The following CYP4F22 variants were observed in gnomAD, a reference collection of about 807,000 sequenced individuals.
CYP4F22 encodes the protein ultra-long-chain fatty acid omega-hydroxylase.
CYP4F22 carries 37 observed loss-of-function variants against 60.4 expected under a neutral mutation model. The observed-to-expected ratio is 0.61, with a 90% CI of 0.47 to 0.81. The LOEUF (loss-of-function observed/expected upper bound fraction) is 0.81. Ranked by LOEUF, CYP4F22 falls within the 30% of genes least tolerant of loss-of-function variation. The pLI is 0.00. For synonymous variants in CYP4F22, 258 were observed against 280.5 expected, an observed-to-expected ratio of 0.92 and a Z score of 0.80; for missense variants, 655 against 715.0, an observed-to-expected ratio of 0.92 and a Z score of 0.96.
rs1568361399 is a variant in CYP4F22 at position 15,540,645 on chromosome 19, G to GGGGGCCGAGGCCTGGCTT, written c.868_885dup (p.Gly290_Leu295dup). ...AACGGCGGCGGGCACTGCGTCAGCAGGGGGCCGAGGCCTGGCTTAAGGCCA... is the reference window on the plus strand; with the variant it reads ...AACGGCGGCGGGCACTGCGTCAGCAGGGGGCCGAGGCCTGGCTTGGGGCCGAGGCCTGGCTTAAGGCCA... On this transcript the variant is annotated inframe_insertion, in exon 8 of 14. Transcript: ENST00000269703. The GGGGGCCGAGGCCTGGCTT allele has an allele frequency of 1.2e-6, 2 of 1,613,954 alleles. No homozygotes were observed. The highest frequency in any genetic ancestry group is 1.3e-5 in the African/African-American group (1 of 74,972).
chr19:15,548,225 G>C lies in CYP4F22; in HGVS notation c.1254G>C (p.Gly418=). ...QCTEDIKLPD[G]RIIPKGIICL... is the part of the protein sequence containing the mutation. Reference sequence around the variant, plus strand: ...CGGAGGACATCAAGCTCCCAGATGGGCGCATCATCCCCAAAGGTGCCTACC... The same window carrying C: ...CGGAGGACATCAAGCTCCCAGATGGCCGCATCATCCCCAAAGGTGCCTACC... The change falls in exon 11 of 14, where the codon GGG becomes GGC. Residue 418 remains glycine (G), a synonymous_variant. Coordinates refer to ENST00000269703, the MANE Select transcript of CYP4F22 (RefSeq NM_173483.4). 2 of 1,614,080 alleles carry C rather than the reference G, an allele frequency of 1.2e-6. No individual in the cohort carries two copies. Among genetic ancestry groups the C allele is most frequent in the South Asian group, 2.2e-5 (2 of 91,086 alleles).
chr19:15,512,188 G>GATA (rs767272665), intron 1 of CYP4F22, among the ~76,000 whole-genome samples: 5 of 152,190 alleles, frequency 3.3e-5, no homozygotes, highest in Non-Finnish European at 7.3e-5. Context: ...GGTAGGTCCT[G>GATA]TTATTATCAA....
At chr19:15,512,818 A>C (rs1440981262) in intron 1 of CYP4F22, among the ~76,000 whole-genome samples, 1 of 152,170 alleles carries the variant, frequency 6.6e-6, no homozygotes, top group Non-Finnish European at 1.5e-5. Flanking sequence ...TAAACTAATG[A>C]ATTTTTATAA....
At chr19:15,544,368 A>G in intron 10 of CYP4F22, 89 bp downstream of exon 10, 1 of 1,482,730 alleles carries the variant, frequency 6.7e-7, no homozygotes, top group Non-Finnish European at 9.2e-7. Context: ...TGATTGTGTG[A>G]CCTCAGACAA....
intron 3 of CYP4F22, among the ~76,000 whole-genome samples, chr19:15,526,722 C>G (rs1037237645): frequency 2.0e-5 from 3 of 150,922 alleles, no homozygotes; most frequent in Non-Finnish European, 2.9e-5. Context: ...TAGTTAGTTT[C>G]TAGATGAGAT....
chr19:15,526,983 C>T (rs1370642467), intron 3 of CYP4F22, among the ~76,000 whole-genome samples: 1 of 152,014 alleles, frequency 6.6e-6, no homozygotes, highest in African/African-American at 2.4e-5. Flanking sequence ...AAACCCCTGA[C>T]CTCAAGTGAA....
At chr19:15,517,019 C>T (rs557603931) in intron 1 of CYP4F22, among the ~76,000 whole-genome samples, 1 of 152,170 alleles carries the variant, frequency 6.6e-6, no homozygotes, top group East Asian at 1.9e-4. Context: ...AGGGGTTTTG[C>T]CATGTTGGCC....
At chr19:15,538,524 G>A (rs1305588185) in intron 7 of CYP4F22, among the ~76,000 whole-genome samples, 1 of 152,178 alleles carries the variant, frequency 6.6e-6, no homozygotes, top group Non-Finnish European at 1.5e-5. Flanking sequence ...TATTCATTGT[G>A]CACCTACTAC....
At position 15,528,128 on chromosome 19, in the gene CYP4F22, G is replaced by A. The variant is rs534343900; in HGVS notation, c.223-1581G>A. 9.2e-5 allele frequency among the ~76,000 whole-genome samples: 14 copies of A among 152,168 alleles called. No individual in the cohort carries two copies. The East Asian group carries it at 2.5e-3, about 27-fold the overall frequency. On this transcript the variant is annotated intron_variant, in intron 3 of 13. Coordinates refer to ENST00000269703, the MANE Select transcript of CYP4F22 (RefSeq NM_173483.4). ...CAGCTGCCAGCTCCTGCATTCTAGG[G>A]GCTGTCTCTGGTGGCTGGAGCCCAC...
Position 15,537,942 on chromosome 19 carries a change from C to T in CYP4F22, c.620C>T (p.Thr207Ile), listed in dbSNP as rs1971417975. ...LDMFEHISLM[T>I]LDSLQKCVFS... is the part of the protein sequence containing the mutation. ...ATGTTTGAGCATATCAGCCTCATGA[C>T]CCTGGACAGTCTTCAGAAATGTGTC... Residue 207 changes from threonine (T) to isoleucine (I), a missense_variant, in exon 7 of 14, where the codon ACC (threonine) becomes ATC (isoleucine). Transcript: ENST00000269703. 1.9e-6 allele frequency: 3 copies of T among 1,614,084 alleles called. No individual in the cohort carries two copies. The highest frequency in any genetic ancestry group is 2.5e-6 in the Non-Finnish European group (3 of 1,180,042).
chr19:15,508,883 T>G (rs73512615), intron 1 of CYP4F22, among the ~76,000 whole-genome samples: 5,582 of 151,702 alleles, frequency 0.037, 125 homozygotes, highest in Middle Eastern at 0.092. Context: ...TTTCTCTGGG[T>G]ATCTGTGATG....
In CYP4F22 at chr19:15,551,471, A is replaced by G. The variant is rs1213117151; in HGVS notation, c.1596A>G (p.Ter532TrpextTer41). The G allele has an allele frequency of 6.4e-7, 1 of 1,555,522 alleles. No individual in the cohort carries two copies. The highest frequency in any genetic ancestry group is 8.7e-7 in the Non-Finnish European group (1 of 1,150,372). The change falls in exon 14 of 14, where the codon TGA becomes TGG. Residue 532 changes from the stop codon to tryptophan, a stop_lost. Coordinates refer to ENST00000269703, the MANE Select transcript of CYP4F22 (RefSeq NM_173483.4). ...LKVEPLPPRA[*>W] is the part of the protein sequence containing the mutation. ...TGGAGCCGCTGCCTCCGCGGGCCTG[A>G]GCGTGGGCGCGCCCCTGCGGCTCCC...
At chr19:15,549,104 C>T (rs1462503286) in intron 11 of CYP4F22, 34 bp from the exon 12 acceptor site, 1 of 1,613,314 alleles carries the variant, frequency 6.2e-7, no homozygotes, top group African/African-American at 1.3e-5. Flanking sequence ...GCCCTGGCTC[C>T]CCTTGGCCCC....
At chr19:15,510,274 G>A (rs900924646) in intron 1 of CYP4F22, among the ~76,000 whole-genome samples, 1 of 152,058 alleles carries the variant, frequency 6.6e-6, no homozygotes, top group Non-Finnish European at 1.5e-5. Context: ...GAGCCACTGC[G>A]CCTGACTCAT....
At chr19:15,546,247 A>C (rs1228756228) in intron 10 of CYP4F22, among the ~76,000 whole-genome samples, 1 of 151,866 alleles carries the variant, frequency 6.6e-6, no homozygotes, top group Non-Finnish European at 1.5e-5. Context: ...AAGTGCTGGG[A>C]TTATAGGTGT....
chr19:15,510,563 G>A (rs1388981240), intron 1 of CYP4F22, among the ~76,000 whole-genome samples: 1 of 152,098 alleles, frequency 6.6e-6, no homozygotes, highest in African/African-American at 2.4e-5. Flanking sequence ...GTCCAGGTGT[G>A]GCCACACTTG....
At position 15,552,113 on chromosome 19, in the gene CYP4F22, C is replaced by G. The variant is rs2144552183; in HGVS notation, c.*642C>G. ...TAAGCCCCTTCCTTCCTCCCTTGCC[C>G]AAAGATCCTTTGCTGAGTGTTCTGT... On this transcript the variant is annotated 3_prime_UTR_variant, in exon 14 of 14. Transcript: ENST00000269703. 1 of 152,634 alleles carries G rather than the reference C, an allele frequency of 6.6e-6. No individual in the cohort carries two copies. Among genetic ancestry groups the G allele is most frequent in the African/African-American group, 2.4e-5 (1 of 41,552 alleles). The allele number at this position is 152,634 out of a possible 1,614,324, so 9.5% of individuals were successfully genotyped here.
At chr19:15,534,481 T>C (rs1245853925) in intron 4 of CYP4F22, among the ~76,000 whole-genome samples, 2 of 152,108 alleles carry the variant, frequency 1.3e-5, no homozygotes, top group Non-Finnish European at 2.9e-5. Flanking sequence ...TTTTTTTTCT[T>C]TTTAAAAAAC....
At position 15,523,806 on chromosome 19, in the gene CYP4F22, A is replaced by T. The variant is rs114871682; in HGVS notation, c.-2+7A>T. ...CCAAAAGAATTGAAAACAGGTACTC[A>T]GATAAATACATGTACACACATGTTC... On this transcript the variant is annotated splice_region_variant and intron_variant, in intron 2 of 13. Transcript: ENST00000269703. 6.6e-6 allele frequency: 1 copy of T among 152,390 alleles called. No individual in the cohort carries two copies. The highest frequency in any genetic ancestry group is 2.4e-5 in the African/African-American group (1 of 41,596). 9.4% of individuals were successfully genotyped at this position (152,390 alleles called of 1,614,324 possible). A position where few individuals can be genotyped will look rare whatever the true frequency, so the allele number is the denominator to read the frequency against.
Sources: allele counts gnomAD v4.1 joint callset (sites outside exome capture counted in the v4.1 genomes callset), GRCh38; gene constraint gnomAD v4.1.1; transcripts MANE v1.5; gene names NCBI Gene and HGNC (gene_info 2026-07-23, HGNC 2026-07-21).